ROBO2: variants seen among roughly 807,000 people sequenced by gnomAD.
The protein encoded by ROBO2 is roundabout homolog 2.
ROBO2 carries 53 observed loss-of-function variants against 160.8 expected under a neutral mutation model. The observed-to-expected ratio is 0.33, with a 90% CI of 0.26 to 0.41. The LOEUF (loss-of-function observed/expected upper bound fraction) is 0.41, where lower values mean the gene tolerates loss of function less well. Among genes scored for constraint, ROBO2 ranks in the 10% least tolerant of loss-of-function variants. The pLI, the probability that ROBO2 is intolerant of heterozygous loss-of-function variation, is 1.00. For synonymous variants in ROBO2, 664 were observed against 611.7 expected (o/e 1.09, Z -1.26); for missense variants, 1,577 against 1,722.4 (o/e 0.92, Z 1.49).
intron 2 of ROBO2, among the ~76,000 whole-genome samples, chr3:76,415,523 T>G (rs1360088795): frequency 6.6e-6 from 1 of 152,188 alleles, no homozygotes; most frequent in Admixed American, 6.5e-5. Flanking sequence ...TCATAATCTC[T>G]ATCAAGTTGG....
chr3:76,023,780 A>C (rs147682944), intron 2 of ROBO2, among the ~76,000 whole-genome samples: 17 of 151,636 alleles, frequency 1.1e-4, no homozygotes, highest in African/African-American at 3.9e-4. Context: ...GCTGTTGGAA[A>C]AATTGGTGTG....
intron 4 of ROBO2, among the ~76,000 whole-genome samples, chr3:77,490,759 G>T (rs2153598685): frequency 6.6e-6 from 1 of 152,212 alleles, no homozygotes; most frequent in East Asian, 1.9e-4. Flanking sequence ...TTTGCTAAAT[G>T]AAAAGTTGAG....
chr3:77,293,582 T>C (rs2061597001), intron 2 of ROBO2, among the ~76,000 whole-genome samples: 1 of 143,744 alleles, frequency 7.0e-6, no homozygotes, highest in Non-Finnish European at 1.5e-5. Context: ...GGTAAACGGG[T>C]AAGCTGAGGC....
chr3:76,246,275 T>G (rs1705613559), intron 2 of ROBO2, among the ~76,000 whole-genome samples: 2 of 152,152 alleles, frequency 1.3e-5, no homozygotes, highest in South Asian at 4.1e-4. Context: ...TCATTTAATT[T>G]GCAATGATTT....
chr3:77,595,117 T>A, intron 17 of ROBO2, 25 bp from the exon 19 acceptor site: 1 of 1,596,742 alleles, frequency 6.3e-7, no homozygotes, highest in Non-Finnish European at 8.6e-7. Context: ...TGTGTGCATG[T>A]CTTCCTTTTT....
intron 2 of ROBO2, among the ~76,000 whole-genome samples, chr3:76,977,182 A>G (rs761793651): frequency 6.6e-6 from 1 of 152,216 alleles, no homozygotes; most frequent in Non-Finnish European, 1.5e-5. Context: ...GTGTGGCTCA[A>G]TAATGTTGGC....
At chr3:75,983,809 T>A (rs1159424998) in intron 2 of ROBO2, among the ~76,000 whole-genome samples, 1 of 151,408 alleles carries the variant, frequency 6.6e-6, no homozygotes, top group Admixed American at 6.6e-5. Flanking sequence ...AGAGTTGGCA[T>A]GACATCATCT....
intron 2 of ROBO2, among the ~76,000 whole-genome samples, chr3:75,942,488 G>C (rs1269477220): frequency 6.6e-6 from 1 of 151,998 alleles, no homozygotes; most frequent in Non-Finnish European, 1.5e-5. Flanking sequence ...ACAATAATTT[G>C]TATGGAAAAA....
At chr3:76,555,358 GAGAAGA>G (rs58339602) in intron 2 of ROBO2, among the ~76,000 whole-genome samples, 3,831 of 57,920 alleles carry the variant, frequency 0.066, 294 homozygotes, top group Non-Finnish European at 0.079. Context: ...AGTAGGAAGA[GAGAAGA>G]AGAAGAAGAA....
intron 2 of ROBO2, among the ~76,000 whole-genome samples, chr3:77,450,542 A>T (rs2081009634): frequency 6.6e-6 from 1 of 152,098 alleles, no homozygotes; most frequent in Admixed American, 6.6e-5. Context: ...AAGAATGGTA[A>T]TTATTACTAT....
chr3:77,451,358 C>T lies in ROBO2; in HGVS notation c.389-26056C>T, dbSNP rs558039013. Reference sequence around the variant, plus strand: ...AAACTTAAAAGAAATAAAATTCCTCCTCCCATTCTAAAATTATTATGATTT... The same window carrying T: ...AAACTTAAAAGAAATAAAATTCCTCTTCCCATTCTAAAATTATTATGATTT... On this transcript the variant is annotated intron_variant, in intron 2 of 25. Coordinates refer to ENST00000461745, the Ensembl canonical transcript of ROBO2. Among the ~76,000 whole-genome samples, 20 of 152,122 alleles carry T rather than the reference C, an allele frequency of 1.3e-4. No individual in the cohort carries two copies. The South Asian group carries it at 3.3e-3, about 25-fold the overall frequency.
At chr3:76,856,045 G>C (rs2070034840) in intron 2 of ROBO2, among the ~76,000 whole-genome samples, 1 of 152,170 alleles carries the variant, frequency 6.6e-6, no homozygotes, top group Non-Finnish European at 1.5e-5. Flanking sequence ...GAGCTAGTCA[G>C]GTCTCTGTTG....
intron 2 of ROBO2, among the ~76,000 whole-genome samples, chr3:77,129,402 T>C (rs2075644577): frequency 6.6e-6 from 1 of 152,168 alleles, no homozygotes; most frequent in Admixed American, 6.5e-5. Context: ...ATCAACACAT[T>C]TTTGCCAATG....
chr3:75,946,599 A>G (rs1948302600), intron 2 of ROBO2, among the ~76,000 whole-genome samples: 1 of 152,046 alleles, frequency 6.6e-6, no homozygotes, highest in African/African-American at 2.4e-5. Flanking sequence ...CTCTCTGAGG[A>G]GGTAATATTT....
intron 2 of ROBO2, among the ~76,000 whole-genome samples, chr3:77,215,874 A>C (rs533982204): frequency 6.6e-6 from 1 of 152,348 alleles, no homozygotes; most frequent in South Asian, 2.1e-4. Flanking sequence ...AGGTATCAGC[A>C]GCGGAGGCTG....
intron 2 of ROBO2, among the ~76,000 whole-genome samples, chr3:76,910,926 G>A (rs945201155): frequency 7.3e-5 from 11 of 151,508 alleles, no homozygotes; most frequent in African/African-American, 2.4e-4. Flanking sequence ...TGCTTCATTC[G>A]AATACATTAA....
At chr3:76,502,253 C>A (rs2080500692) in intron 2 of ROBO2, among the ~76,000 whole-genome samples, 2 of 152,146 alleles carry the variant, frequency 1.3e-5, no homozygotes. Context: ...ACAGCTGCTC[C>A]TCCCTTCAAA....
intron 2 of ROBO2, among the ~76,000 whole-genome samples, chr3:77,265,895 C>A (rs1231008000): frequency 2.6e-5 from 4 of 152,122 alleles, no homozygotes; most frequent in Non-Finnish European, 4.4e-5. Context: ...TAAAGAAATG[C>A]ATAGGGTTTA....
rs987779084 is a variant in ROBO2, at chr3:77,008,248, T to C, written c.110-89766T>C. Among the ~76,000 whole-genome samples, 10 of 152,152 alleles carry C rather than the reference T, an allele frequency of 6.6e-5. No homozygotes were observed. In the East Asian group the frequency reaches 9.6e-4, roughly 15 times the overall value. On this transcript the variant is annotated intron_variant, in intron 2 of 26. Coordinates refer to the ROBO2 transcript ENST00000487694. ...TTCAAATTAAATTAAATGTGGTCTG[T>C]GTAATTGGTGTTACAAAAAAATCAA... is the stretch of plus-strand genomic sequence containing the variant.
Sources: gnomAD v4.1 joint callset for allele counts (sites outside exome capture counted in the v4.1 genomes callset) on GRCh38, gnomAD v4.1.1 for gene constraint, MANE v1.5 for transcripts, NCBI Gene and HGNC (gene_info 2026-07-23, HGNC 2026-07-21) for gene names.